Variants in FBN2 observed in about 807,000 individuals in gnomAD.
The protein encoded by FBN2 is fibrillin 2, also known as fibrillin-2.
FBN2 carries 105 observed loss-of-function variants against 355.6 expected under a neutral mutation model. That is an observed-to-expected ratio of 0.30 (90% CI 0.25 to 0.35). The LOEUF is 0.35. FBN2 is among the 10% of genes least tolerant of loss of function. FBN2 has a pLI of 1.00. For missense variants in FBN2, 3,280 were observed against 3,758.7 expected (o/e 0.87, Z 3.33); for synonymous variants, 1,350 against 1,301.2 (o/e 1.04, Z -0.81).
intron 25 of FBN2, among the ~76,000 whole-genome samples, chr5:128,340,591 TG>T (rs1750987016): frequency 6.6e-6 from 1 of 152,136 alleles, no homozygotes; most frequent in African/African-American, 2.4e-5. Flanking sequence ...TGTGATGTGG[TG>T]GGAGTTTCAT....
Position 128,369,368 on chromosome 5 carries a change from G to T in FBN2, c.2096-34C>A, listed in dbSNP as rs775817721. The T allele has an allele frequency of 1.9e-6, 3 of 1,611,390 alleles. No homozygotes were observed. In the Admixed American group the frequency reaches 5.0e-5, roughly 27 times the overall value. ...GATACAAAAACAATGACTTGAGGCA[G>T]TGATAGAGACAAAGAGATTTCGAAA... On this transcript the variant is annotated intron_variant, in intron 15 of 64. Coordinates refer to ENST00000262464, the MANE Select transcript of FBN2 (RefSeq NM_001999.4).
intron 17 of FBN2, chr5:128,365,441 T>G (rs1327115663): frequency 6.6e-6 from 1 of 152,184 alleles, no homozygotes; most frequent in Non-Finnish European, 1.5e-5. Context: ...TTGGTCACTA[T>G]GCTCAAATTT....
chr5:128,469,116 G>C (rs1754788260), intron 5 of FBN2, among the ~76,000 whole-genome samples: 1 of 152,116 alleles, frequency 6.6e-6, no homozygotes, highest in Non-Finnish European at 1.5e-5. Context: ...AAAGAGAGGA[G>C]GAAGGAGACA....
At chr5:128,424,436 TAGA>T (rs1170164960) in intron 7 of FBN2, among the ~76,000 whole-genome samples, 3 of 152,020 alleles carry the variant, frequency 2.0e-5, no homozygotes, top group African/African-American at 7.2e-5. Flanking sequence ...AAGGAGAAGA[TAGA>T]AAGGGAAGGA....
intron 4 of FBN2, among the ~76,000 whole-genome samples, chr5:128,523,347 T>C (rs1403516629): frequency 6.6e-6 from 1 of 152,138 alleles, no homozygotes; most frequent in Non-Finnish European, 1.5e-5. Flanking sequence ...TCAGTTTTCA[T>C]TCCATCCTCA....
chr5:128,427,743 C>T (rs1032837977), intron 7 of FBN2, among the ~76,000 whole-genome samples: 2 of 152,142 alleles, frequency 1.3e-5, no homozygotes, highest in Non-Finnish European at 2.9e-5. Context: ...TGCTTTCCTG[C>T]CTTTAGAAAT....
chr5:128,491,051 G>C (rs981485795), intron 5 of FBN2, among the ~76,000 whole-genome samples: 1 of 139,456 alleles, frequency 7.2e-6, no homozygotes, highest in Non-Finnish European at 1.5e-5. Context: ...TAACTTGTGA[G>C]GATAGCATCT....
intron 8 of FBN2, among the ~76,000 whole-genome samples, chr5:128,403,769 T>C (rs1752858533): frequency 6.6e-6 from 1 of 151,878 alleles, no homozygotes. Flanking sequence ...CCTGGATATA[T>C]AAAAAGATGA....
intron 6 of FBN2, among the ~76,000 whole-genome samples, chr5:128,461,878 CAGGTCAAT>C (rs1429895012): frequency 6.6e-6 from 1 of 151,878 alleles, no homozygotes; most frequent in Non-Finnish European, 1.5e-5. Context: ...ACTTAGAGGA[CAGGTCAAT>C]AGGTGCGGCA....
At chr5:128,283,631 C>G (rs1433285626) in intron 55 of FBN2, among the ~76,000 whole-genome samples, 2 of 152,174 alleles carry the variant, frequency 1.3e-5, no homozygotes, top group Non-Finnish European at 2.9e-5. Context: ...TCTTGGTGTT[C>G]TCAGTCAATC....
At chr5:128,494,598 A>G (rs1190281711) in intron 5 of FBN2, among the ~76,000 whole-genome samples, 1 of 152,212 alleles carries the variant, frequency 6.6e-6, no homozygotes, top group Non-Finnish European at 1.5e-5. Flanking sequence ...TGGGTGTGAT[A>G]CTAACAGAAG....
intron 7 of FBN2, among the ~76,000 whole-genome samples, chr5:128,438,450 G>C (rs1753832672): frequency 6.6e-6 from 1 of 152,084 alleles, no homozygotes; most frequent in Admixed American, 6.5e-5. Flanking sequence ...GCAATTAATG[G>C]GAGGATCATT....
chr5:128,524,192 C>T (rs369803426), intron 4 of FBN2, among the ~76,000 whole-genome samples: 68 of 152,166 alleles, frequency 4.5e-4, no homozygotes, highest in African/African-American at 1.6e-3. Flanking sequence ...ACTACAGGTC[C>T]TTTAAATTTG....
At chr5:128,446,291 A>G in intron 7 of FBN2, 190 bp downstream of exon 7, 1 of 542,932 alleles carries the variant, frequency 1.8e-6, no homozygotes. Flanking sequence ...ATGCTCATTG[A>G]CTCTTTTCAA....
chr5:128,403,133 A>G (rs1752839935), intron 8 of FBN2, among the ~76,000 whole-genome samples: 1 of 151,964 alleles, frequency 6.6e-6, no homozygotes. Flanking sequence ...AGCCAGCGTT[A>G]CATAGAGTGC....
Position 128,378,902 on chromosome 5 carries a change from A to G in FBN2, c.1604-12T>C, listed in dbSNP as rs1752157516. On this transcript the variant is annotated splice_polypyrimidine_tract_variant and intron_variant, in intron 11 of 64. Transcript: ENST00000262464. ...GCATTCATCAACATCTGTGAGCAGC[A>G]AAAGAAACCATTATAGACTTCACTC... 6.2e-7 allele frequency: 1 copy of G among 1,612,734 alleles called. No individual in the cohort carries two copies. Among genetic ancestry groups the G allele is most frequent in the African/African-American group, 1.3e-5 (1 of 74,854 alleles).
chr5:128,305,610 T>G lies in FBN2; in HGVS notation c.5575A>C (p.Asn1859His). The change falls in exon 44 of 65, where the codon AAT becomes CAT. Residue 1859 changes from asparagine (N) to histidine (H), a missense_variant. Physicochemically the swap from Asn to His is moderately conservative, Grantham distance 68. Around this residue, in one of 6 missense-constraint regions of FBN2, gnomAD observed 2,284 missense variants for 2,749.5 expected, o/e 0.83. Transcript: ENST00000262464. ...EDIDECSNGDNLCQRNADCIN... is the reference protein window; with the variant it reads ...EDIDECSNGDHLCQRNADCIN... ...CAGTCTGCATTCCGCTGGCAGAGAT[T>G]ATCACCATTGCTGCACTCATCTATA... 1 of 1,613,966 alleles carries G rather than the reference T, an allele frequency of 6.2e-7. No homozygotes were observed. The highest frequency in any genetic ancestry group is 8.5e-7 in the Non-Finnish European group (1 of 1,179,882).
intron 48 of FBN2, among the ~76,000 whole-genome samples, chr5:128,299,295 T>C (rs1749638768): frequency 6.6e-6 from 1 of 151,904 alleles, no homozygotes; most frequent in Non-Finnish European, 1.5e-5. Context: ...TGTTTGTCTG[T>C]GCCCTGCCCC....
Position 128,415,579 on chromosome 5 carries a change from A to G in FBN2, c.953-6780T>C, listed in dbSNP as rs187769047. Among the ~76,000 whole-genome samples, 215 of 152,256 alleles carry G rather than the reference A, an allele frequency of 1.4e-3. 1 individual carries two copies. Among genetic ancestry groups the G allele is most frequent in the South Asian group, 5.2e-3 (25 of 4,826 alleles). On this transcript the variant is annotated intron_variant, in intron 7 of 64. Transcript: ENST00000262464. Reference sequence around the variant, plus strand: ...AAGTAGTATTTCATTGTGTATATATATCACATTTTTTTAATCCAGTCATCC... The same window carrying G: ...AAGTAGTATTTCATTGTGTATATATGTCACATTTTTTTAATCCAGTCATCC...
Sources: allele counts gnomAD v4.1 joint callset (sites outside exome capture counted in the v4.1 genomes callset), GRCh38; gene constraint gnomAD v4.1.1; regional missense constraint gnomAD v4.1.1; transcripts MANE v1.5; gene names NCBI Gene and HGNC (gene_info 2026-07-23, HGNC 2026-07-21).